The following ALPK2 variants were observed in gnomAD, a reference collection of about 807,000 sequenced individuals.
The protein encoded by ALPK2 is alpha kinase 2, also known as alpha-protein kinase 2.
Under a neutral mutation model 163.1 loss-of-function variants are expected in ALPK2, and 127 were observed. That is an observed-to-expected ratio of 0.78 (90% CI 0.67 to 0.90). ALPK2 has a LOEUF of 0.90. Among genes scored for constraint, ALPK2 ranks in the 40% least tolerant of loss-of-function variants. ALPK2 has a pLI of 0.00. For missense variants in ALPK2, 2,360 were observed against 2,589.6 expected (o/e 0.91, Z 1.92); for synonymous variants, 953 against 959.1 (o/e 0.99, Z 0.12).
intron 4 of ALPK2, among the ~76,000 whole-genome samples, chr18:58,560,266 T>C (rs1346271522): frequency 6.6e-6 from 1 of 152,224 alleles, no homozygotes; most frequent in Non-Finnish European, 1.5e-5. Context: ...CTGCCATCCA[T>C]GTAAGACATA....
At chr18:58,542,656 GT>G (rs926412498) in intron 4 of ALPK2, among the ~76,000 whole-genome samples, 1 of 152,190 alleles carries the variant, frequency 6.6e-6, no homozygotes, top group Non-Finnish European at 1.5e-5. Flanking sequence ...GTTGGAAGAG[GT>G]TTAGACCTAC....
In ALPK2 at chr18:58,536,062, G is replaced by A. The variant is rs1184245073; in HGVS notation, c.4125C>T (p.Asp1375=). ...CCATCTTGAGTTGTTTTTCCTCCTG[G>A]TCTTGACTCACATTGTTAACATTTT... ...GKENVNNVSQ[D]QEEKQLKMDH... Residue 1375 remains aspartate, a synonymous_variant, in exon 5 of 13, where the codon GAC becomes GAT. Transcript: ENST00000361673. The A allele has an allele frequency of 2.5e-6, 4 of 1,614,120 alleles. No homozygotes were observed. The East Asian group carries it at 8.9e-5, about 36-fold the overall frequency.
intron 12 of ALPK2, among the ~76,000 whole-genome samples, chr18:58,490,699 A>G (rs946943529): frequency 2.0e-5 from 3 of 151,910 alleles, no homozygotes; most frequent in Non-Finnish European, 4.4e-5. Flanking sequence ...GAGGTGCCCC[A>G]CCTTCAATGA....
intron 4 of ALPK2, among the ~76,000 whole-genome samples, chr18:58,561,634 G>A (rs2051826029): frequency 6.6e-6 from 1 of 152,174 alleles, no homozygotes; most frequent in Admixed American, 6.5e-5. Flanking sequence ...GACAACAGGG[G>A]CCTGATCACT....
Position 58,578,733 on chromosome 18 carries a change from G to GAC in ALPK2, c.1962+79_1962+80dup, listed in dbSNP as rs71173065. On this transcript the variant is annotated intron_variant, in intron 4 of 12. Transcript: ENST00000361673. ...ATTGTGAATGTGAAGTAAAGGAAGA[G>GAC]ACACACACACACACACACACACACA... 6.3e-3 allele frequency: 3,332 copies of GAC among 532,502 alleles called. 8 individuals are homozygous for GAC. Among genetic ancestry groups the GAC allele is most frequent in the East Asian group, 0.034 (821 of 24,450 alleles). The allele number at this position is 532,502 out of a possible 1,614,324, so 33.0% of individuals were successfully genotyped here.
At chr18:58,532,454 G>T (rs975511196) in intron 5 of ALPK2, among the ~76,000 whole-genome samples, 1 of 152,140 alleles carries the variant, frequency 6.6e-6, no homozygotes, top group African/African-American at 2.4e-5. Context: ...CTGACTCAAG[G>T]GTAACTCTGG....
intron 3 of ALPK2, among the ~76,000 whole-genome samples, chr18:58,598,325 GA>G (rs2052051356): frequency 6.6e-6 from 1 of 152,254 alleles, no homozygotes. Flanking sequence ...GTGGGATTCA[GA>G]AAAAGTGAAT....
chr18:58,625,222 T>A (rs2052223559), intron 1 of ALPK2, among the ~76,000 whole-genome samples: 1 of 150,396 alleles, frequency 6.6e-6, no homozygotes, highest in Non-Finnish European at 1.5e-5. Context: ...CTAGAGACCA[T>A]TAGCCTCAGC....
intron 3 of ALPK2, among the ~76,000 whole-genome samples, chr18:58,605,642 G>A (rs1428027745): frequency 6.6e-6 from 1 of 152,162 alleles, no homozygotes; most frequent in Non-Finnish European, 1.5e-5. Flanking sequence ...CAAACCCATG[G>A]GTAACTAGAA....
In ALPK2 at chr18:58,628,994, G is replaced by C. The variant is rs939899469; in HGVS notation, c.-251C>G. On this transcript the variant is annotated 5_prime_UTR_variant, in exon 1 of 13. Coordinates refer to ENST00000361673, the MANE Select transcript of ALPK2 (RefSeq NM_052947.4). ...TTCCATGCCCGGGGAAGTTCTGGAAGAAGAGCATTTTTTCCCCGCCCTTCA... is the reference window on the plus strand; with the variant it reads ...TTCCATGCCCGGGGAAGTTCTGGAACAAGAGCATTTTTTCCCCGCCCTTCA... 1 of 152,254 alleles carries C rather than the reference G, an allele frequency of 6.6e-6. No homozygotes were observed. The highest frequency in any genetic ancestry group is 1.5e-5 in the Non-Finnish European group (1 of 68,050). The allele number at this position is 152,254 out of a possible 1,614,324, so 9.4% of individuals were successfully genotyped here. A position where few individuals can be genotyped will look rare whatever the true frequency, so the allele number is the denominator to read the frequency against.
intron 3 of ALPK2, among the ~76,000 whole-genome samples, chr18:58,593,022 G>A (rs1231266170): frequency 6.6e-6 from 1 of 152,330 alleles, no homozygotes; most frequent in East Asian, 1.9e-4. Flanking sequence ...GAGGATTTTA[G>A]GGCGGGGAGA....
chr18:58,610,835 C>T (rs1263386804), intron 2 of ALPK2, among the ~76,000 whole-genome samples: 2 of 152,084 alleles, frequency 1.3e-5, no homozygotes, highest in Non-Finnish European at 2.9e-5. Context: ...TGGCTCACGC[C>T]TGTAATCCCA....
intron 4 of ALPK2, among the ~76,000 whole-genome samples, chr18:58,550,378 C>T (rs113880506): frequency 0.049 from 100 of 2,054 alleles, no homozygotes; most frequent in Middle Eastern, 0.1. Context: ...ACATACAACC[C>T]CATCCCCATC....
Position 58,537,996 on chromosome 18 carries a change from C to G in ALPK2, c.2191G>C (p.Asp731His). The change falls in exon 5 of 13, where the codon GAC (aspartate) becomes CAC (histidine). Residue 731 changes from aspartate (D) to histidine (H), a missense_variant. Coordinates refer to ENST00000361673, the MANE Select transcript of ALPK2 (RefSeq NM_052947.4). ...TATTTTAGGTCTTCCCTGAAATTGT[C>G]AGGTATGTTGCCATCTCTGTCTTGT... ...EKQDRDGNIP[D>H]NFREDLKYEQ... is the part of the protein sequence containing the mutation. 6.2e-7 allele frequency: 1 copy of G among 1,614,200 alleles called. No individual in the cohort carries two copies. Among genetic ancestry groups the G allele is most frequent in the Non-Finnish European group, 8.5e-7 (1 of 1,180,026 alleles).
chr18:58,579,923 G>C lies in ALPK2; in HGVS notation c.853C>G (p.Pro285Ala). 3 of 1,614,130 alleles carry C rather than the reference G, an allele frequency of 1.9e-6. No homozygotes were observed. The highest frequency in any genetic ancestry group is 2.5e-6 in the Non-Finnish European group (3 of 1,180,022). The stretch of plus-strand genomic sequence containing the variant: ...TTGTTGGCCACGGCACTGTCACCTG[G>C]GTAAATGTGTGCAGTTGCCTCAGAT... The part of the protein sequence containing the change: ...PLSEATAHIY[P>A]GDSAVANKQP... The change falls in exon 4 of 13, where the codon CCA (proline) becomes GCA (alanine). Residue 285 changes from proline (P) to alanine (A), a missense_variant. Coordinates refer to ENST00000361673, the MANE Select transcript of ALPK2 (RefSeq NM_052947.4).
chr18:58,532,847 G>A (rs2051623253), intron 5 of ALPK2, among the ~76,000 whole-genome samples: 1 of 152,160 alleles, frequency 6.6e-6, no homozygotes, highest in Non-Finnish European at 1.5e-5. Context: ...TTTGCCCAGG[G>A]CTATCCAGGT....
At chr18:58,517,291 C>T in intron 8 of ALPK2, 109 bp from the exon 9 acceptor site, 1 of 1,166,604 alleles carries the variant, frequency 8.6e-7, no homozygotes, top group Non-Finnish European at 1.2e-6. Flanking sequence ...GGCTGACCTG[C>T]AGAACCAAGA....
intron 4 of ALPK2, among the ~76,000 whole-genome samples, chr18:58,553,870 T>TGG (rs1187049464): frequency 2.3e-5 from 3 of 133,082 alleles, no homozygotes; most frequent in African/African-American, 8.5e-5. Flanking sequence ...TTTTTTTTTT[T>TGG]TTTTTTTTTG....
chr18:58,516,063 A>T (rs11663649), intron 9 of ALPK2, among the ~76,000 whole-genome samples: 103,201 of 151,656 alleles, frequency 0.68, 35,246 homozygotes, highest in Non-Finnish European at 0.73. Context: ...GAAAAAAAAA[A>T]TAAAAATTAG....
Sources: allele counts gnomAD v4.1 joint callset (sites outside exome capture counted in the v4.1 genomes callset), GRCh38; gene constraint gnomAD v4.1.1; transcripts MANE v1.5; gene names NCBI Gene and HGNC (gene_info 2026-07-23, HGNC 2026-07-21).